PI4KA: variants seen among roughly 807,000 people sequenced by gnomAD.
PI4KA encodes the protein PI4-kinase alpha.
PI4KA carries 122 observed loss-of-function variants against 271.4 expected under a neutral mutation model. The ratio of observed to expected loss-of-function variants is 0.45; its 90% CI spans 0.39 to 0.52. The LOEUF (loss-of-function observed/expected upper bound fraction) is 0.52. Ranked by LOEUF, PI4KA falls within the 20% of genes least tolerant of loss-of-function variation. The pLI, the probability that PI4KA is intolerant of heterozygous loss-of-function variation, is 0.00. For synonymous variants in PI4KA, 1,041 were observed against 1,078.8 expected (o/e 0.96, Z 0.69); for missense variants, 1,969 against 2,769.1 (o/e 0.71, Z 6.48).
At chr22:20,821,975 C>T (rs1037942624) in intron 4 of PI4KA, among the ~76,000 whole-genome samples, 13 of 152,190 alleles carry the variant, frequency 8.5e-5, no homozygotes, top group South Asian at 4.1e-4. Flanking sequence ...AGTAGCAAAA[C>T]CCTGTCTCTA....
intron 15 of PI4KA, among the ~76,000 whole-genome samples, 178 bp from the exon 16 acceptor site, chr22:20,799,454 T>C (rs935062280): frequency 6.6e-6 from 1 of 150,792 alleles, no homozygotes; most frequent in African/African-American, 2.4e-5. Flanking sequence ...CAGGCACTAG[T>C]CTGGATGACA....
At chr22:20,731,884 G>A (rs1266067525) in intron 36 of PI4KA, among the ~76,000 whole-genome samples, 3 of 150,734 alleles carry the variant, frequency 2.0e-5, no homozygotes, top group African/African-American at 7.4e-5. Flanking sequence ...AGCGGAGACT[G>A]CACCACTGCA....
intron 2 of PI4KA, among the ~76,000 whole-genome samples, chr22:20,834,925 G>T (rs570869371): frequency 1.3e-5 from 2 of 152,324 alleles, no homozygotes; most frequent in East Asian, 3.9e-4. Flanking sequence ...GGTCCAGCCT[G>T]CTCAGGCCTC....
intron 30 of PI4KA, among the ~76,000 whole-genome samples, chr22:20,743,780 C>T (rs746671744): frequency 3.3e-5 from 5 of 152,042 alleles, no homozygotes; most frequent in East Asian, 3.9e-4. Flanking sequence ...CTAGGCTGGG[C>T]GCGGTGGCTC....
chr22:20,815,379 C>CAAAAAAAAAAAAAAAAAAAA (rs361826), intron 7 of PI4KA, among the ~76,000 whole-genome samples: 3 of 83,966 alleles, frequency 3.6e-5, no homozygotes, highest in Non-Finnish European at 4.8e-5. Context: ...GACTGCGTCT[C>CAAAAAAAAAAAAAAAAAAAA]AAAAAAAAAA....
At chr22:20,761,629 C>T (rs1931981553) in intron 22 of PI4KA, among the ~76,000 whole-genome samples, 1 of 152,216 alleles carries the variant, frequency 6.6e-6, no homozygotes, top group Non-Finnish European at 1.5e-5. Flanking sequence ...AAGGATTCTC[C>T]TAACAGCACT....
At chr22:20,723,017 A>G (rs987975813) in intron 42 of PI4KA, among the ~76,000 whole-genome samples, 1 of 150,452 alleles carries the variant, frequency 6.6e-6, no homozygotes, top group African/African-American at 2.4e-5. Flanking sequence ...ATTTTTATTA[A>G]CTTTTGATTT....
intron 9 of PI4KA, 74 bp downstream of exon 9, chr22:20,810,893 C>G (rs1344138896): frequency 1.7e-6 from 2 of 1,151,746 alleles, no homozygotes; most frequent in Non-Finnish European, 2.6e-6. Flanking sequence ...AGCCCCCGCT[C>G]AAACTCTTCC....
Position 20,714,786 on chromosome 22 carries a change from G to A in PI4KA, c.5318-86C>T, listed in dbSNP as rs531778126. 407 of 1,475,702 alleles carry A rather than the reference G, an allele frequency of 2.8e-4. 3 individuals carry two copies. In the South Asian group the frequency reaches 4.2e-3, roughly 15 times the overall value. 91.4% of individuals were successfully genotyped at this position (1,475,702 alleles called of 1,614,324 possible). ...AGTTTCCAACACGGATGTTACATGC[G>A]TGTCCACCCTGCAGGCACACCCCGC... On this transcript the variant is annotated intron_variant, in intron 45 of 54. Transcript: ENST00000255882.
chr22:20,812,986 C>G (rs539789415), intron 8 of PI4KA, among the ~76,000 whole-genome samples: 1 of 152,146 alleles, frequency 6.6e-6, no homozygotes, highest in Admixed American at 6.5e-5. Context: ...GTTATTAACC[C>G]AAATAGAGCC....
At position 20,807,449 on chromosome 22, in the gene PI4KA, TG is replaced by T; in HGVS notation, c.1080del (p.Ser361ValfsTer15). 6.2e-7 allele frequency: 1 copy of T among 1,610,014 alleles called. No homozygotes were observed. Among genetic ancestry groups the T allele is most frequent in the Non-Finnish European group, 8.5e-7 (1 of 1,176,260 alleles). ...AIVASVMEANPSADLYYTSFS... is the reference protein window; with the variant it reads ...AIVASVMEANXSADLYYTSFS... ...AAGGAAGTGTAGTAGAGATCAGCACTGGGGTTGGCCTGCAGGGAAGGCAGAC... is the reference window on the plus strand; with the variant it reads ...AAGGAAGTGTAGTAGAGATCAGCACTGGGTTGGCCTGCAGGGAAGGCAGAC... On this transcript the variant is annotated frameshift_variant, in exon 10 of 55. Coordinates refer to ENST00000255882, the MANE Select transcript of PI4KA (RefSeq NM_058004.4). LOFTEE classifies it high-confidence loss of function.
intron 23 of PI4KA, among the ~76,000 whole-genome samples, chr22:20,757,233 A>G (rs539483352): frequency 1.3e-5 from 2 of 152,332 alleles, no homozygotes; most frequent in East Asian, 1.9e-4. Context: ...TTCATGTTTT[A>G]GAGGAAAAAT....
intron 8 of PI4KA, among the ~76,000 whole-genome samples, chr22:20,812,733 T>G (rs1569062543): frequency 6.6e-6 from 1 of 152,152 alleles, no homozygotes; most frequent in Admixed American, 6.5e-5. Context: ...TTTTGTGTTT[T>G]TTAGTAGAGA....
intron 1 of PI4KA, among the ~76,000 whole-genome samples, chr22:20,852,361 G>A (rs1168099829): frequency 6.6e-6 from 1 of 152,178 alleles, no homozygotes; most frequent in Non-Finnish European, 1.5e-5. Context: ...GGAGGGCACT[G>A]AGGGAAGGCT....
intron 42 of PI4KA, among the ~76,000 whole-genome samples, chr22:20,722,466 T>C (rs5760197): frequency 0.45 from 68,390 of 151,636 alleles, 15,565 homozygotes; most frequent in East Asian, 0.53. Context: ...GAATTACAGT[T>C]ATGAGCCACC....
intron 3 of PI4KA, 110 bp from the exon 4 acceptor site, chr22:20,824,524 GT>G: frequency 1.4e-6 from 1 of 690,266 alleles, no homozygotes; most frequent in Non-Finnish European, 2.4e-6. Context: ...CAAGGGACCA[GT>G]TTACAGCAGC....
intron 42 of PI4KA, chr22:20,725,266 G>A: frequency 5.3e-6 from 1 of 188,104 alleles, no homozygotes; most frequent in Admixed American, 5.2e-5. Flanking sequence ...TCAGACACAG[G>A]GTGCAGTGGG....
intron 19 of PI4KA, among the ~76,000 whole-genome samples, chr22:20,768,056 G>A (rs752316910): frequency 5.9e-5 from 9 of 151,770 alleles, no homozygotes; most frequent in Non-Finnish European, 7.4e-5. Flanking sequence ...AAGATCACAC[G>A]CAAAGCTGCC....
intron 18 of PI4KA, among the ~76,000 whole-genome samples, chr22:20,794,072 A>G (rs912697940): frequency 2.3e-4 from 35 of 152,354 alleles, no homozygotes; most frequent in African/African-American, 8.2e-4. Context: ...CCAAGCTGTA[A>G]ACATATACAC....
Sources: gnomAD v4.1 joint callset for allele counts (sites outside exome capture counted in the v4.1 genomes callset) on GRCh38, gnomAD v4.1.1 for gene constraint, MANE v1.5 for transcripts, NCBI Gene and HGNC (gene_info 2026-07-23, HGNC 2026-07-21) for gene names.